KIAA1328: variants seen among roughly 807,000 people sequenced by gnomAD.
KIAA1328 encodes KIAA1328.
Under a neutral mutation model 68.1 loss-of-function variants are expected in KIAA1328, and 52 were observed. The observed-to-expected ratio is 0.76, with a 90% CI of 0.61 to 0.96. The LOEUF (loss-of-function observed/expected upper bound fraction) is 0.96, where lower values mean the gene tolerates loss of function less well. Among genes scored for constraint, KIAA1328 ranks in the 40% least tolerant of loss-of-function variants. The probability of loss-of-function intolerance (pLI) is 0.00; values close to 1 mark genes in which losing one functional copy is unlikely to be tolerated. For synonymous variants in KIAA1328, 232 were observed against 239.4 expected, an observed-to-expected ratio of 0.97 and a Z score of 0.28; for missense variants, 641 against 677.6, an observed-to-expected ratio of 0.95 and a Z score of 0.60.
At chr18:37,181,652 G>A (rs2059700707) in intron 9 of KIAA1328, among the ~76,000 whole-genome samples, 1 of 152,098 alleles carries the variant, frequency 6.6e-6, no homozygotes, top group South Asian at 2.1e-4. Context: ...GAAGAAGCTT[G>A]TCAAGACATT....
intron 4 of KIAA1328, among the ~76,000 whole-genome samples, chr18:36,879,542 C>T (rs1185992503): frequency 6.6e-6 from 1 of 152,216 alleles, no homozygotes; most frequent in Non-Finnish European, 1.5e-5. Flanking sequence ...TGTCGCTTAG[C>T]AGAGCTTGAG....
Position 37,067,161 on chromosome 18 carries a change from A to G in KIAA1328, c.848A>G (p.Glu283Gly). ...GGGAGAAAACCTGCAGTCCCAACAG[A>G]GAAAATGCCACAAGAAGAATTGCAC... ...SPGRKPAVPT[E>G]KMPQEELHMK... The change falls in exon 7 of 10, where the codon GAG (glutamate) becomes GGG (glycine). Residue 283 changes from glutamate (E) to glycine (G), a missense_variant. Transcript: ENST00000280020. 1 of 1,614,044 alleles carries G rather than the reference A, an allele frequency of 6.2e-7. No homozygotes were observed. Among genetic ancestry groups the G allele is most frequent in the Non-Finnish European group, 8.5e-7 (1 of 1,179,892 alleles).
intron 7 of KIAA1328, among the ~76,000 whole-genome samples, chr18:37,091,492 T>C (rs2057266324): frequency 6.6e-6 from 1 of 152,194 alleles, no homozygotes; most frequent in African/African-American, 2.4e-5. Flanking sequence ...GGAGAGCTCT[T>C]CAGTTCTTAT....
chr18:37,111,839 C>A (rs138645505), intron 7 of KIAA1328, among the ~76,000 whole-genome samples: 1,623 of 152,292 alleles, frequency 0.011, 17 homozygotes, highest in Middle Eastern at 0.034. Context: ...TGCGCTTTCC[C>A]AACCGTCTTA....
chr18:37,129,358 C>A (rs887663765), intron 7 of KIAA1328, among the ~76,000 whole-genome samples: 2 of 152,090 alleles, frequency 1.3e-5, no homozygotes, highest in African/African-American at 2.4e-5. Flanking sequence ...AGAGTGACTG[C>A]ATAAATTACA....
At chr18:37,084,313 A>G (rs2057034809) in intron 7 of KIAA1328, 1 of 640,268 alleles carries the variant, frequency 1.6e-6, no homozygotes, top group Non-Finnish European at 2.4e-6. Flanking sequence ...TTATAGCTCT[A>G]TGTTGATTAA....
chr18:36,897,343 A>G (rs1250210303), intron 5 of KIAA1328, among the ~76,000 whole-genome samples: 1 of 152,102 alleles, frequency 6.6e-6, no homozygotes, highest in African/African-American at 2.4e-5. Context: ...CCAGGCATCT[A>G]AAGATAATGC....
At chr18:37,169,513 CTG>C (rs892354764) in intron 8 of KIAA1328, among the ~76,000 whole-genome samples, 29 of 146,878 alleles carry the variant, frequency 2.0e-4, no homozygotes, top group African/African-American at 6.6e-4. Flanking sequence ...GTGTGTGTGT[CTG>C]TGTTTGTGTG....
At chr18:37,208,090 T>C (rs1233037571) in intron 9 of KIAA1328, among the ~76,000 whole-genome samples, 1 of 152,194 alleles carries the variant, frequency 6.6e-6, no homozygotes, top group Non-Finnish European at 1.5e-5. Flanking sequence ...ATTACAGATG[T>C]GAGCCACTGC....
chr18:36,887,414 A>C (rs907961929), intron 5 of KIAA1328, among the ~76,000 whole-genome samples: 17 of 152,154 alleles, frequency 1.1e-4, no homozygotes, highest in African/African-American at 3.6e-4. Context: ...ATGGAGATTC[A>C]GTGGTTTAAC....
intron 7 of KIAA1328, among the ~76,000 whole-genome samples, chr18:37,107,595 C>T (rs1021072295): frequency 3.3e-5 from 5 of 152,084 alleles, no homozygotes; most frequent in African/African-American, 4.8e-5. Context: ...GTATTCATTC[C>T]TAGGTATTTC....
chr18:37,193,588 T>A (rs2059948059), intron 9 of KIAA1328: 1 of 702,512 alleles, frequency 1.4e-6, no homozygotes, highest in Non-Finnish European at 2.6e-6. Flanking sequence ...TATTTATTCC[T>A]AGCCCAGGAA....
At chr18:37,032,906 G>A (rs1182246082) in intron 6 of KIAA1328, among the ~76,000 whole-genome samples, 1 of 152,116 alleles carries the variant, frequency 6.6e-6, no homozygotes, top group Non-Finnish European at 1.5e-5. Context: ...CTCCCAAAGT[G>A]CCGAGATTAC....
chr18:36,960,454 G>C (rs771367693), intron 6 of KIAA1328, among the ~76,000 whole-genome samples: 14 of 152,202 alleles, frequency 9.2e-5, no homozygotes, highest in Non-Finnish European at 1.9e-4. Flanking sequence ...AGAGAGCAGT[G>C]GTTCTCCCAG....
chr18:37,098,514 G>T (rs59618460), intron 7 of KIAA1328, among the ~76,000 whole-genome samples: 16,167 of 152,046 alleles, frequency 0.11, 1,081 homozygotes, highest in Non-Finnish European at 0.13. Context: ...ATGTTCATGA[G>T]GTATATTGGT....
chr18:37,073,544 T>G (rs887268776), intron 7 of KIAA1328, among the ~76,000 whole-genome samples: 1 of 152,208 alleles, frequency 6.6e-6, no homozygotes, highest in Non-Finnish European at 1.5e-5. Context: ...GTATATTTAG[T>G]CTATTTCTCT....
At position 36,949,606 on chromosome 18, in the gene KIAA1328, C is replaced by G. The variant is rs796141349; in HGVS notation, c.449-9702C>G. Among the ~76,000 whole-genome samples the G allele has an allele frequency of 2.7e-3, 259 of 95,942 alleles. 5 individuals carry two copies. Among genetic ancestry groups the G allele is most frequent in the African/African-American group, 9.4e-3 (241 of 25,738 alleles). The allele number at this position is 95,942 out of a possible 152,430, so 62.9% of individuals were successfully genotyped here. ...TCTGTTTCTACCCAGCTCCCCCCCCCCCACCCCCCGATCTTGATTTGCAAT... is the reference window on the plus strand; with the variant it reads ...TCTGTTTCTACCCAGCTCCCCCCCCGCCACCCCCCGATCTTGATTTGCAAT... On this transcript the variant is annotated intron_variant, in intron 5 of 9. Transcript: ENST00000280020.
At chr18:37,097,551 A>G (rs1371879132) in intron 7 of KIAA1328, among the ~76,000 whole-genome samples, 1 of 152,200 alleles carries the variant, frequency 6.6e-6, no homozygotes, top group Non-Finnish European at 1.5e-5. Context: ...TGACTTGGTA[A>G]TGTGGGCTCT....
At chr18:36,928,533 A>G (rs981370584) in intron 5 of KIAA1328, among the ~76,000 whole-genome samples, 9 of 152,214 alleles carry the variant, frequency 5.9e-5, no homozygotes, top group Non-Finnish European at 8.8e-5. Context: ...GTAGTTTTCA[A>G]GTCTCACAAA....
Sources: gnomAD v4.1 joint callset for allele counts (sites outside exome capture counted in the v4.1 genomes callset) on GRCh38, gnomAD v4.1.1 for gene constraint, MANE v1.5 for transcripts, NCBI Gene and HGNC (gene_info 2026-07-23, HGNC 2026-07-21) for gene names.